The following MTREX variants were observed in gnomAD, a reference collection of about 807,000 sequenced individuals.
MTREX encodes the protein exosome RNA helicase MTR4.
In MTREX, 76 loss-of-function variants were observed where a neutral mutation model predicts 135.4. That is an observed-to-expected ratio of 0.56 (90% CI 0.47 to 0.68). The LOEUF is 0.68. Among genes scored for constraint, MTREX ranks in the 30% least tolerant of loss-of-function variants. The pLI is 0.00. For synonymous variants in MTREX, 404 were observed against 401.6 expected (o/e 1.01, Z -0.07); for missense variants, 920 against 1,262.1 (o/e 0.73, Z 4.11).
intron 21 of MTREX, among the ~76,000 whole-genome samples, chr5:55,401,079 G>A (rs906060004): frequency 2.0e-5 from 3 of 152,118 alleles, no homozygotes; most frequent in African/African-American, 7.2e-5. Flanking sequence ...CCGTCACCCA[G>A]GCTTCAGTCC....
At chr5:55,416,226 A>G (rs550271420) in intron 25 of MTREX, 94 bp downstream of exon 25, 2 of 765,686 alleles carry the variant, frequency 2.6e-6, no homozygotes, top group African/African-American at 1.8e-5. Context: ...TGTATTTTTA[A>G]TATTTGGTAA....
chr5:55,346,213 A>T (rs201684389), intron 10 of MTREX, among the ~76,000 whole-genome samples: 2 of 152,168 alleles, frequency 1.3e-5, no homozygotes, highest in East Asian at 3.9e-4. Flanking sequence ...CCATGTGGAA[A>T]GTCTATGTTT....
rs762326286 is a variant in MTREX at position 55,340,187 on chromosome 5, A to G, written c.690+3A>G. The stretch of plus-strand genomic sequence containing the variant: ...CTTGTCTTGTTATGACCACAGAGGT[A>G]ATTCATGTAGTGCCTCATCTGACTT... On this transcript the variant is annotated splice_donor_region_variant and intron_variant, in intron 6 of 26. Coordinates refer to ENST00000230640, the MANE Select transcript of MTREX (RefSeq NM_015360.5). 1.3e-6 allele frequency: 2 copies of G among 1,542,446 alleles called. No homozygotes were observed. Among genetic ancestry groups the G allele is most frequent in the South Asian group, 1.3e-5 (1 of 78,414 alleles).
chr5:55,387,984 G>T lies in MTREX; in HGVS notation c.2063G>T (p.Gly688Val). Residue 688 changes from glycine to valine, a missense_variant, in exon 19 of 27, where the codon GGT (glycine) becomes GTT (valine). Transcript: ENST00000230640. ...TGTTTTGTTTTTTAGCCTAACTCTG[G>T]TGAACTGGATCCTTTGTATGTAGTA... ...SKKSNVKPNS[G>V]ELDPLYVVEV... is the part of the protein sequence containing the mutation. 1 of 1,590,918 alleles carries T rather than the reference G, an allele frequency of 6.3e-7. No homozygotes were observed. The highest frequency in any genetic ancestry group is 8.6e-7 in the Non-Finnish European group (1 of 1,164,862).
intron 1 of MTREX, among the ~76,000 whole-genome samples, chr5:55,320,284 C>T (rs993671968): frequency 1.3e-5 from 2 of 149,308 alleles, no homozygotes; most frequent in Admixed American, 1.3e-4. Context: ...GTGGCACGAT[C>T]TCAGCTCACT....
chr5:55,361,630 T>A (rs1197212336), intron 15 of MTREX, among the ~76,000 whole-genome samples: 1 of 151,818 alleles, frequency 6.6e-6, no homozygotes, highest in Non-Finnish European at 1.5e-5. Flanking sequence ...AATTTTTGTA[T>A]TTTTTTTAGT....
intron 4 of MTREX, 81 bp downstream of exon 4, chr5:55,327,859 T>G: frequency 9.3e-7 from 1 of 1,076,728 alleles, no homozygotes. Context: ...ATGAGATTTT[T>G]ATATTTCCCA....
At chr5:55,352,558 C>T (rs1018936486) in intron 13 of MTREX, among the ~76,000 whole-genome samples, 27 of 152,142 alleles carry the variant, frequency 1.8e-4, no homozygotes, top group African/African-American at 6.5e-4. Context: ...AGTCATTATA[C>T]TACCCCTATT....
intron 14 of MTREX, among the ~76,000 whole-genome samples, chr5:55,355,163 T>TGGA (rs1436166964): frequency 1.3e-5 from 2 of 152,192 alleles, no homozygotes; most frequent in East Asian, 3.9e-4. Context: ...TGCTTCCTTG[T>TGGA]GGAGGACAGT....
intron 15 of MTREX, among the ~76,000 whole-genome samples, chr5:55,364,331 G>C (rs1222497802): frequency 2.6e-5 from 4 of 152,094 alleles, no homozygotes; most frequent in African/African-American, 9.7e-5. Context: ...CTTTTCTTTA[G>C]AAAACAATAG....
chr5:55,336,909 G>A (rs1749562435), intron 5 of MTREX, among the ~76,000 whole-genome samples: 1 of 152,150 alleles, frequency 6.6e-6, no homozygotes, highest in Non-Finnish European at 1.5e-5. Context: ...ATTGGTGTCG[G>A]AGTAATACTG....
At chr5:55,389,859 A>G (rs902814073) in intron 19 of MTREX, among the ~76,000 whole-genome samples, 1 of 152,086 alleles carries the variant, frequency 6.6e-6, no homozygotes, top group Non-Finnish European at 1.5e-5. Context: ...TTTTATAAAT[A>G]TATTGTTTGC....
chr5:55,328,853 A>G, intron 5 of MTREX, 42 bp downstream of exon 5: 1 of 1,307,574 alleles, frequency 7.6e-7, no homozygotes, highest in Non-Finnish European at 1.1e-6. Flanking sequence ...TTCTTATTTC[A>G]CTCTTTAAAA....
At chr5:55,413,352 AT>A (rs1561212887) in intron 23 of MTREX, among the ~76,000 whole-genome samples, 1 of 151,842 alleles carries the variant, frequency 6.6e-6, no homozygotes, top group Admixed American at 6.6e-5. Context: ...AAAAAAAAAA[AT>A]AGCCATAATT....
At chr5:55,386,603 C>CA (rs2111564726) in intron 18 of MTREX, among the ~76,000 whole-genome samples, 1 of 152,090 alleles carries the variant, frequency 6.6e-6, no homozygotes, top group South Asian at 2.1e-4. Context: ...AGTAGCTCTG[C>CA]AAAAATAGAT....
intron 21 of MTREX, among the ~76,000 whole-genome samples, chr5:55,401,642 C>T (rs773278112): frequency 6.6e-5 from 10 of 152,198 alleles, no homozygotes; most frequent in African/African-American, 1.2e-4. Context: ...TCTACATCTT[C>T]GCCAGCATGT....
At chr5:55,339,379 A>G (rs1005726770) in intron 5 of MTREX, among the ~76,000 whole-genome samples, 1 of 152,204 alleles carries the variant, frequency 6.6e-6, no homozygotes, top group Non-Finnish European at 1.5e-5. Flanking sequence ...TATTTCCCCA[A>G]ATACATTATA....
chr5:55,349,053 C>A (rs1324042899), intron 11 of MTREX, among the ~76,000 whole-genome samples: 1 of 151,894 alleles, frequency 6.6e-6, no homozygotes, highest in Admixed American at 6.6e-5. Context: ...TAAGATAGTA[C>A]TTTTTTCATG....
chr5:55,421,201 G>T (rs1751049373), intron 25 of MTREX, among the ~76,000 whole-genome samples: 1 of 152,202 alleles, frequency 6.6e-6, no homozygotes, highest in Non-Finnish European at 1.5e-5. Flanking sequence ...ATAAAGGTGG[G>T]TGTAAGAAGA....
Sources: allele counts gnomAD v4.1 joint callset (sites outside exome capture counted in the v4.1 genomes callset), GRCh38; gene constraint gnomAD v4.1.1; transcripts MANE v1.5; gene names NCBI Gene and HGNC (gene_info 2026-07-23, HGNC 2026-07-21).